Variants in OPRM1 observed in about 807,000 individuals in gnomAD.
The protein encoded by OPRM1 is mu-type opioid receptor.
A neutral mutation model predicts 31.8 loss-of-function variants in OPRM1; 27 were observed. The observed-to-expected ratio is 0.85, with a 90% CI of 0.63 to 1.17. OPRM1 has a LOEUF of 1.17. Ranked by LOEUF, OPRM1 falls within the 50% of genes most tolerant of loss-of-function variation. The probability of loss-of-function intolerance (pLI) is 0.00; values close to 1 mark genes in which losing one functional copy is unlikely to be tolerated. For synonymous variants in OPRM1, 196 were observed against 189.9 expected (o/e 1.03, Z -0.26); for missense variants, 536 against 511.1 (o/e 1.05, Z -0.47).
At chr6:154,199,717 G>T in intron 3 of OPRM1, 3 of 1,614,012 alleles carry the variant, frequency 1.9e-6, no homozygotes, top group Non-Finnish European at 2.5e-6. Context: ...CAGTAAGATG[G>T]TCATGATTGC....
At chr6:154,165,489 T>C (rs1043868754) in intron 3 of OPRM1, among the ~76,000 whole-genome samples, 4 of 152,228 alleles carry the variant, frequency 2.6e-5, no homozygotes, top group Non-Finnish European at 1.5e-5. Context: ...CATCAGCATG[T>C]CCTCCTACCT....
intron 1 of OPRM1, among the ~76,000 whole-genome samples, chr6:154,056,955 T>C (rs1438830844): frequency 2.0e-5 from 3 of 152,178 alleles, no homozygotes; most frequent in African/African-American, 7.2e-5. Flanking sequence ...GCCACTGAAA[T>C]TGGTAGTCCT....
At chr6:154,236,864 T>C (rs992323760) in intron 3 of OPRM1, among the ~76,000 whole-genome samples, 1 of 152,210 alleles carries the variant, frequency 6.6e-6, no homozygotes, top group Non-Finnish European at 1.5e-5. Context: ...GTAGAGATTC[T>C]ACATTGTGAG....
At chr6:154,102,883 T>C (rs966544754) in intron 3 of OPRM1, among the ~76,000 whole-genome samples, 1 of 129,102 alleles carries the variant, frequency 7.7e-6, no homozygotes, top group Admixed American at 8.4e-5. Context: ...AAAATTTCTC[T>C]AAGGAAAGCT....
chr6:154,176,337 A>G (rs1009716122), intron 3 of OPRM1, among the ~76,000 whole-genome samples: 2 of 152,214 alleles, frequency 1.3e-5, no homozygotes, highest in Non-Finnish European at 2.9e-5. Context: ...ATCAGACAAG[A>G]GAAAGAAATA....
intron 3 of OPRM1, among the ~76,000 whole-genome samples, chr6:154,162,729 C>A (rs1799124040): frequency 1.3e-5 from 2 of 152,222 alleles, no homozygotes; most frequent in South Asian, 4.1e-4. Context: ...TTGGTAATCA[C>A]AAGAAATCTC....
chr6:154,030,427 T>C (rs1042917227), intron 1 of OPRM1, among the ~76,000 whole-genome samples: 1 of 152,170 alleles, frequency 6.6e-6, no homozygotes, highest in Non-Finnish European at 1.5e-5. Flanking sequence ...TAGTAAGGTA[T>C]AATTAAGAAT....
Position 154,182,636 on chromosome 6 carries a change from T to C in OPRM1, c.1165-64057T>C, listed in dbSNP as rs1583729240. On this transcript the variant is annotated intron_variant, in intron 3 of 3. Coordinates refer to the OPRM1 transcript ENST00000337049. ...AAAAAAGATATTTGATCGCCTTTTT[T>C]TCTTCTTAAAATACGTTTATGAGGT... Among the ~76,000 whole-genome samples the C allele has an allele frequency of 1.3e-5, 2 of 152,348 alleles. 1 individual carries two copies. Among genetic ancestry groups the C allele is most frequent in the South Asian group, 4.1e-4 (2 of 4,826 alleles).
At chr6:154,099,325 A>G (rs1231725194) in intron 3 of OPRM1, among the ~76,000 whole-genome samples, 42 of 123,086 alleles carry the variant, frequency 3.4e-4, no homozygotes, top group African/African-American at 1.1e-3. Flanking sequence ...GGAAGGAAGG[A>G]AGGAAGGGAG....
intron 3 of OPRM1, chr6:154,108,846 C>T (rs1795997687): frequency 2.0e-6 from 2 of 985,062 alleles, no homozygotes; most frequent in Non-Finnish European, 2.4e-6. Flanking sequence ...AGATAAAAAA[C>T]CAAGCATACT....
intron 3 of OPRM1, among the ~76,000 whole-genome samples, chr6:154,148,236 G>A (rs1380865180): frequency 6.6e-6 from 1 of 152,210 alleles, no homozygotes; most frequent in Non-Finnish European, 1.5e-5. Flanking sequence ...ATCAAGGAAA[G>A]GCCAATCCAT....
At chr6:154,118,477 G>A (rs374320360) in intron 3 of OPRM1, among the ~76,000 whole-genome samples, 8 of 152,108 alleles carry the variant, frequency 5.3e-5, no homozygotes, top group Admixed American at 3.3e-4. Flanking sequence ...CACAAATGAA[G>A]AGCATATTCA....
chr6:154,116,448 G>A (rs1796885395), intron 3 of OPRM1, among the ~76,000 whole-genome samples: 1 of 152,034 alleles, frequency 6.6e-6, no homozygotes, highest in Non-Finnish European at 1.5e-5. Context: ...AGCTGGGCGT[G>A]GTGGCACATG....
chr6:154,078,137 C>G (rs1788284881), intron 1 of OPRM1, among the ~76,000 whole-genome samples: 1 of 151,980 alleles, frequency 6.6e-6, no homozygotes, highest in Non-Finnish European at 1.5e-5. Context: ...TAACCTAGTC[C>G]CTCTTCTCTT....
At chr6:154,227,593 C>A (rs551201394) in intron 3 of OPRM1, among the ~76,000 whole-genome samples, 3 of 152,192 alleles carry the variant, frequency 2.0e-5, no homozygotes, top group Admixed American at 6.5e-5. Flanking sequence ...CAGCACACGC[C>A]TATATTCCCA....
intron 3 of OPRM1, among the ~76,000 whole-genome samples, chr6:154,233,035 C>T (rs1370960527): frequency 1.8e-4 from 26 of 148,142 alleles, no homozygotes; most frequent in Non-Finnish European, 3.1e-4. Flanking sequence ...GTGGTGCAAT[C>T]TCATCTCACT....
In OPRM1 at chr6:154,091,211, C is replaced by A; in HGVS notation, c.903C>A (p.Tyr301Ter). ...FIVCWTPIHI[Y>*]VIIKALVTIP... ...TCTGCTGGACTCCCATTCACATTTA[C>A]GTCATCATTAAAGCCTTGGTTACAA... is the stretch of plus-strand genomic sequence containing the variant. The change falls in exon 3 of 4, where the codon TAC (tyrosine) becomes TAA (stop). Residue 301 changes from tyrosine (Y) to a stop codon, truncating the protein, a stop_gained. Transcript: ENST00000330432. LOFTEE classifies it high-confidence loss of function. 1 of 1,614,172 alleles carries A rather than the reference C, an allele frequency of 6.2e-7. No individual in the cohort carries two copies. The highest frequency in any genetic ancestry group is 1.1e-5 in the South Asian group (1 of 91,086).
At chr6:154,061,426 G>C (rs1216156629) in intron 1 of OPRM1, among the ~76,000 whole-genome samples, 2 of 152,056 alleles carry the variant, frequency 1.3e-5, no homozygotes, top group Non-Finnish European at 2.9e-5. Flanking sequence ...TAGAACCAGT[G>C]CCTATCATGT....
chr6:154,157,039 C>G (rs563681878), intron 3 of OPRM1: 3 of 152,382 alleles, frequency 2.0e-5, no homozygotes, highest in Non-Finnish European at 2.9e-5. Flanking sequence ...GGAATTGGCC[C>G]TTGGACCCCA....
Sources: gnomAD v4.1 joint callset for allele counts (sites outside exome capture counted in the v4.1 genomes callset) on GRCh38, gnomAD v4.1.1 for gene constraint, MANE v1.5 for transcripts, NCBI Gene and HGNC (gene_info 2026-07-23, HGNC 2026-07-21) for gene names.